SVOP: variants seen among roughly 807,000 people sequenced by gnomAD.
SVOP encodes synaptic vesicle 2-related protein.
A neutral mutation model predicts 69.1 loss-of-function variants in SVOP; 17 were observed. That is an observed-to-expected ratio of 0.25 (90% CI 0.17 to 0.37). The LOEUF (loss-of-function observed/expected upper bound fraction) is 0.37, where lower values mean the gene tolerates loss of function less well. Among genes scored for constraint, SVOP ranks in the 10% least tolerant of loss-of-function variants. The probability of loss-of-function intolerance (pLI) is 1.00; values close to 1 mark genes in which losing one functional copy is unlikely to be tolerated. For synonymous variants in SVOP, 238 were observed against 238.6 expected (o/e 1.00, Z 0.02); for missense variants, 435 against 597.5 (o/e 0.73, Z 2.84).
intron 6 of SVOP, among the ~76,000 whole-genome samples, chr12:108,946,263 A>ATT (rs375960454): frequency 1.3e-4 from 19 of 145,326 alleles, no homozygotes; most frequent in South Asian, 6.6e-4. Flanking sequence ...CGCCTGGCCA[A>ATT]TTTTTTTTTT....
chr12:108,940,752 G>T (rs1434453047), intron 8 of SVOP, 32 bp downstream of exon 8: 2 of 1,531,966 alleles, frequency 1.3e-6, no homozygotes, highest in African/African-American at 2.7e-5. Context: ...ATGTCAGACA[G>T]CAAAAGGTGA....
chr12:108,980,698 C>T (rs2040131045), intron 2 of SVOP, among the ~76,000 whole-genome samples: 2 of 115,730 alleles, frequency 1.7e-5, no homozygotes, highest in South Asian at 5.2e-4. Context: ...TGCAGTGAGC[C>T]GAGATTGCGC....
intron 1 of SVOP, among the ~76,000 whole-genome samples, chr12:108,996,521 C>T (rs1230201846): frequency 6.6e-6 from 1 of 152,098 alleles, no homozygotes; most frequent in Admixed American, 6.5e-5. Flanking sequence ...CGCTACTGCA[C>T]TCCAGCCTGG....
intron 15 of SVOP, among the ~76,000 whole-genome samples, chr12:108,914,949 C>T (rs986719856): frequency 6.6e-6 from 1 of 151,172 alleles, no homozygotes; most frequent in Non-Finnish European, 1.5e-5. Context: ...CCGAGGCAGG[C>T]AGATCACAAG....
chr12:108,996,650 G>T (rs991866300), intron 1 of SVOP, among the ~76,000 whole-genome samples: 4 of 152,150 alleles, frequency 2.6e-5, no homozygotes, highest in Non-Finnish European at 5.9e-5. Context: ...CAGAATCTTG[G>T]CCAGGCATCG....
chr12:108,990,909 T>C (rs2040196844), intron 1 of SVOP, among the ~76,000 whole-genome samples: 1 of 152,170 alleles, frequency 6.6e-6, no homozygotes, highest in Admixed American at 6.5e-5. Context: ...ACCTTTACAC[T>C]TTGAGTGCAT....
intron 1 of SVOP, among the ~76,000 whole-genome samples, chr12:109,009,174 C>T (rs1377483117): frequency 1.3e-5 from 2 of 151,706 alleles, no homozygotes; most frequent in South Asian, 2.1e-4. Flanking sequence ...GTTGGCCAGG[C>T]TGGTCTCGAA....
chr12:108,960,815 C>G (rs144139528), intron 6 of SVOP, 108 bp downstream of exon 6: 1 of 1,363,282 alleles, frequency 7.3e-7, no homozygotes, highest in East Asian at 2.5e-5. Flanking sequence ...GTATAGCTAT[C>G]TCTGCACCCC....
At chr12:108,960,647 G>T (rs889647796) in intron 6 of SVOP, among the ~76,000 whole-genome samples, 1 of 152,132 alleles carries the variant, frequency 6.6e-6, no homozygotes, top group Non-Finnish European at 1.5e-5. Context: ...GCTGCAATGC[G>T]TCCAAGTGGA....
At chr12:109,018,436 T>C (rs2040380139) in intron 1 of SVOP, among the ~76,000 whole-genome samples, 1 of 152,160 alleles carries the variant, frequency 6.6e-6, no homozygotes, top group African/African-American at 2.4e-5. Flanking sequence ...AACTACTTAG[T>C]GGCTTATAAT....
chr12:108,952,899 T>C (rs2039964307), intron 6 of SVOP, among the ~76,000 whole-genome samples: 1 of 152,058 alleles, frequency 6.6e-6, no homozygotes. Context: ...AGCAAGTCCC[T>C]TGTGAGTTCT....
At position 108,941,014 on chromosome 12, in the gene SVOP, C is replaced by T. The variant is rs955292188; in HGVS notation, c.643-105G>A. 169 of 1,430,330 alleles carry T rather than the reference C, an allele frequency of 1.2e-4. No homozygotes were observed. In the East Asian group the frequency reaches 1.2e-3, roughly 10 times the overall value. 88.6% of individuals were successfully genotyped at this position (1,430,330 alleles called of 1,614,324 possible). On this transcript the variant is annotated intron_variant, in intron 7 of 15. Coordinates refer to ENST00000610966, the MANE Select transcript of SVOP (RefSeq NM_018711.5). Reference sequence around the variant, plus strand: ...GGTATCTCTGTGGGTAAGGGGTCATCGGAGTCAGTAAGGTTAGAATAGCCA... The same window carrying T: ...GGTATCTCTGTGGGTAAGGGGTCATTGGAGTCAGTAAGGTTAGAATAGCCA...
chr12:108,989,975 T>C (rs2040190422), intron 1 of SVOP, among the ~76,000 whole-genome samples: 1 of 152,220 alleles, frequency 6.6e-6, no homozygotes, highest in African/African-American at 2.4e-5. Flanking sequence ...TAGGTACAGT[T>C]ATTATACCCA....
chr12:108,968,528 T>C (rs1390900536), intron 5 of SVOP, among the ~76,000 whole-genome samples: 1 of 152,234 alleles, frequency 6.6e-6, no homozygotes, highest in Non-Finnish European at 1.5e-5. Flanking sequence ...CCTCCTCTGA[T>C]ATAAATAAGG....
At chr12:108,950,836 G>A (rs1161929600) in intron 6 of SVOP, among the ~76,000 whole-genome samples, 1 of 152,098 alleles carries the variant, frequency 6.6e-6, no homozygotes. Context: ...TAATTGTTGT[G>A]CCCCATATTT....
chr12:108,918,179 C>A, intron 13 of SVOP, 55 bp from the exon 14 acceptor site: 2 of 1,436,136 alleles, frequency 1.4e-6, no homozygotes, highest in Non-Finnish European at 1.9e-6. Flanking sequence ...CTTGTTTCAG[C>A]ATAGTCCTAT....
intron 1 of SVOP, among the ~76,000 whole-genome samples, chr12:108,991,431 C>T (rs892219283): frequency 2.0e-5 from 3 of 150,220 alleles, no homozygotes; most frequent in African/African-American, 7.3e-5. Flanking sequence ...AAGACCCCAT[C>T]TCGGGTTTTG....
intron 1 of SVOP, among the ~76,000 whole-genome samples, chr12:109,018,716 CAA>C (rs1209591501): frequency 6.6e-6 from 1 of 152,084 alleles, no homozygotes; most frequent in Non-Finnish European, 1.5e-5. Context: ...TGACTTCATT[CAA>C]ATGTCATTTG....
chr12:108,944,973 C>A (rs768725164), intron 7 of SVOP, 130 bp downstream of exon 7: 3 of 775,298 alleles, frequency 3.9e-6, no homozygotes, highest in African/African-American at 3.5e-5. Context: ...GATCCTTTTA[C>A]GTCTTTGCAT....
Sources: allele counts gnomAD v4.1 joint callset (sites outside exome capture counted in the v4.1 genomes callset), GRCh38; gene constraint gnomAD v4.1.1; transcripts MANE v1.5; gene names NCBI Gene and HGNC (gene_info 2026-07-23, HGNC 2026-07-21).